BEAN1: variants seen among roughly 807,000 people sequenced by gnomAD.
BEAN1 encodes brain expressed associated with NEDD4 1.
Under a neutral mutation model 17.7 loss-of-function variants are expected in BEAN1, and 17 were observed. That is an observed-to-expected ratio of 0.96 (90% CI 0.66 to 1.44). The LOEUF is 1.44. Among genes scored for constraint, BEAN1 ranks in the 40% most tolerant of loss-of-function variants. The pLI, the probability that BEAN1 is intolerant of heterozygous loss-of-function variation, is 0.00. For missense variants in BEAN1, 359 were observed against 374.1 expected (o/e 0.96, Z 0.33); for synonymous variants, 142 against 151.8 (o/e 0.94, Z 0.47).
At chr16:66,467,612 A>C (rs1477270245) in intron 2 of BEAN1, among the ~76,000 whole-genome samples, 1 of 152,178 alleles carries the variant, frequency 6.6e-6, no homozygotes, top group African/African-American at 2.4e-5. Context: ...CACAGAGCCA[A>C]ACTATATCAG....
chr16:66,494,023 C>T (rs1964214244), downstream of BEAN1, among the ~76,000 whole-genome samples: 1 of 152,168 alleles, frequency 6.6e-6, no homozygotes, highest in Non-Finnish European at 1.5e-5. Context: ...TGGATGAGAG[C>T]ACCCCAGCAC....
At position 66,469,627 on chromosome 16, in the gene BEAN1, C is replaced by T; in HGVS notation, c.51C>T (p.Tyr17=). 3 of 1,536,142 alleles carry T rather than the reference C, an allele frequency of 2.0e-6. No individual in the cohort carries two copies. The highest frequency in any genetic ancestry group is 2.6e-6 in the Non-Finnish European group (3 of 1,146,896). The part of the protein sequence containing the change: ...CPLARYNRTS[Y]FYPTFSESSE... ...TAGCACGATACAACCGCACCAGCTACTTCTACCCCACATTCTCAGAGAGCT... is the reference window on the plus strand; with the variant it reads ...TAGCACGATACAACCGCACCAGCTATTTCTACCCCACATTCTCAGAGAGCT... Residue 17 remains tyrosine, a synonymous_variant, in exon 3 of 5, where the codon TAC becomes TAT. Transcript: ENST00000536005.
intron 1 of BEAN1, among the ~76,000 whole-genome samples, chr16:66,429,328 A>C (rs1189267050): frequency 6.6e-6 from 1 of 152,196 alleles, no homozygotes; most frequent in African/African-American, 2.4e-5. Context: ...GAGAGGTTCA[A>C]ACTTCAGAGC....
In BEAN1 at chr16:66,477,872, T is replaced by A. The variant is rs1205053030; in HGVS notation, c.440+162T>A. The A allele has an allele frequency of 4.1e-6, 3 of 733,368 alleles. No individual in the cohort carries two copies. In the African/African-American group the frequency reaches 5.6e-5, roughly 14 times the overall value. The allele number at this position is 733,368 out of a possible 1,614,324, so 45.4% of individuals were successfully genotyped here. ...CACCTCCTCCCCACTCCTGACCAAGTAGGTCCCACTGAGGCAGTGTGACTT... is the reference window on the plus strand; with the variant it reads ...CACCTCCTCCCCACTCCTGACCAAGAAGGTCCCACTGAGGCAGTGTGACTT... On this transcript the variant is annotated intron_variant, in intron 4 of 4. Transcript: ENST00000536005.
downstream of BEAN1, chr16:66,484,829 G>T (rs1422236276): frequency 1.5e-5 from 7 of 454,000 alleles, no homozygotes; most frequent in South Asian, 1.1e-4. The surrounding 1 kb of genome is among the most constrained non-coding windows in gnomAD (Gnocchi z 4.2). Flanking sequence ...GGGAGAGACG[G>T]GTTGTTTGTA....
chr16:66,433,387 C>T (rs567522608), intron 1 of BEAN1, among the ~76,000 whole-genome samples: 2 of 152,338 alleles, frequency 1.3e-5, no homozygotes, highest in South Asian at 4.1e-4. Context: ...GCTGGGATTA[C>T]AGGCGTGAGC....
rs1364576510 is a variant in BEAN1 at position 66,473,710 on chromosome 16, AAATAAATAAAT to A, written c.290-3840_290-3830del. Among the ~76,000 whole-genome samples the A allele has an allele frequency of 8.6e-5, 13 of 151,700 alleles. No individual in the cohort carries two copies. Among genetic ancestry groups the A allele is most frequent in the African/African-American group, 3.2e-4 (13 of 41,150 alleles). ...AGACCCTGTCTCTAAATAAATAAATAAATAAATAAATAATAAATAATAAATAAAGAGGGAGG... is the reference window on the plus strand; with the variant it reads ...AGACCCTGTCTCTAAATAAATAAATAAATAAATAATAAATAAAGAGGGAGG... On this transcript the variant is annotated intron_variant, in intron 3 of 4. Transcript: ENST00000536005. This position sits in a 1 kb window ranked among gnomAD's most constrained non-coding sequence, Gnocchi z 4.5.
intron 2 of BEAN1, among the ~76,000 whole-genome samples, chr16:66,440,804 A>G (rs1355859667): frequency 1.3e-5 from 2 of 152,082 alleles, no homozygotes; most frequent in African/African-American, 4.8e-5. Flanking sequence ...CTGAGTTTCA[A>G]CCTGACCCAA....
At chr16:66,476,841 C>A (rs1963767986) in intron 3 of BEAN1, among the ~76,000 whole-genome samples, 1 of 152,144 alleles carries the variant, frequency 6.6e-6, no homozygotes, top group South Asian at 2.1e-4. Context: ...TTTTTAGCTG[C>A]AGGACTTTTC....
chr16:66,493,606 G>A (rs536783790), downstream of BEAN1: 102 of 538,778 alleles, frequency 1.9e-4, no homozygotes, highest in African/African-American at 1.5e-3. Context: ...GCCCTTCATC[G>A]GGTGAGGTGG....
intron 2 of BEAN1, among the ~76,000 whole-genome samples, chr16:66,453,388 A>G (rs531803321): frequency 3.6e-4 from 55 of 152,124 alleles, no homozygotes; most frequent in African/African-American, 1.2e-3. Flanking sequence ...TTTTCTGAAG[A>G]CAAAGGCTTC....
rs766598195 is a variant in BEAN1, at chr16:66,477,520, TC to T, written c.290-38del. On this transcript the variant is annotated intron_variant, in intron 3 of 4. Transcript: ENST00000536005. Reference sequence around the variant, plus strand: ...CAGACCCATAAGGACCATCCCTGGATCCTGGTCTGAGGCCCAGGCCGGTGGT... The same window carrying T: ...CAGACCCATAAGGACCATCCCTGGATCTGGTCTGAGGCCCAGGCCGGTGGT... 1.8e-4 allele frequency: 272 copies of T among 1,492,420 alleles called. 4 individuals are homozygous for T. In the South Asian group the frequency reaches 2.3e-3, roughly 12 times the overall value. The allele number at this position is 1,492,420 out of a possible 1,614,324, so 92.4% of individuals were successfully genotyped here. A position where few individuals can be genotyped will look rare whatever the true frequency, so the allele number is the denominator to read the frequency against.
At position 66,430,845 on chromosome 16, in the gene BEAN1, A is replaced by G. The variant is rs117334934; in HGVS notation, c.-83+3414A>G. ...TTTGTTCACTATATCCTCAGAGCCT[A>G]GACTAGTACCCAGCACTTATTGTGC... On this transcript the variant is annotated intron_variant, in intron 1 of 4. Coordinates refer to ENST00000536005, the MANE Select transcript of BEAN1 (RefSeq NM_001178020.3). Among the ~76,000 whole-genome samples, 1,073 of 152,354 alleles carry G rather than the reference A, an allele frequency of 7.0e-3. 10 individuals are homozygous for G. The highest frequency in any genetic ancestry group is 0.013 in the Non-Finnish European group (877 of 68,028).
At chr16:66,458,239 C>A (rs1353011332) in intron 2 of BEAN1, among the ~76,000 whole-genome samples, 2 of 152,166 alleles carry the variant, frequency 1.3e-5, no homozygotes, top group African/African-American at 4.8e-5. Context: ...AAGAGCACTT[C>A]CCTGAACCCA....
At chr16:66,453,748 CAG>C (rs1962765876) in intron 2 of BEAN1, among the ~76,000 whole-genome samples, 1 of 148,046 alleles carries the variant, frequency 6.8e-6, no homozygotes, top group African/African-American at 2.5e-5. Flanking sequence ...TTTTTTGGGT[CAG>C]GGGGACAGAG....
chr16:66,429,742 G>A (rs941601222), intron 1 of BEAN1, among the ~76,000 whole-genome samples: 6 of 152,114 alleles, frequency 3.9e-5, no homozygotes, highest in Admixed American at 2.0e-4. Flanking sequence ...TAGGGGTCAC[G>A]TCGCTGTGTC....
In BEAN1 at chr16:66,469,644, C is replaced by T; in HGVS notation, c.68C>T (p.Ser23Leu). ...ACCAGCTACTTCTACCCCACATTCTCAGAGAGCTCGGAGCACAGCCATCTG... is the reference window on the plus strand; with the variant it reads ...ACCAGCTACTTCTACCCCACATTCTTAGAGAGCTCGGAGCACAGCCATCTG... ...NRTSYFYPTFSESSEHSHLLV... is the reference protein window; with the variant it reads ...NRTSYFYPTFLESSEHSHLLV... The change falls in exon 3 of 5, where the codon TCA (serine) becomes TTA (leucine). Residue 23 changes from serine (S) to leucine (L), a missense_variant. Transcript: ENST00000536005. The T allele has an allele frequency of 6.5e-7, 1 of 1,536,124 alleles. No individual in the cohort carries two copies. The highest frequency in any genetic ancestry group is 8.7e-7 in the Non-Finnish European group (1 of 1,146,872).
At position 66,437,653 on chromosome 16, in the gene BEAN1, C is replaced by T. The variant is rs1444089799; in HGVS notation, c.-24C>T. The T allele has an allele frequency of 1.3e-6, 2 of 1,535,672 alleles. No individual in the cohort carries two copies. Among genetic ancestry groups the T allele is most frequent in the South Asian group, 1.2e-5 (1 of 84,046 alleles). On this transcript the variant is annotated 5_prime_UTR_variant, in exon 2 of 5. Transcript: ENST00000536005. ...AGCTGTGCCCGTGGGCAGGCTGGCT[C>T]CGCTGTTCTGCTCCAAGGATTACAT... is the stretch of plus-strand genomic sequence containing the variant.
chr16:66,483,098 CG>C (rs1350278013), downstream of BEAN1: 22 of 334,890 alleles, frequency 6.6e-5, no homozygotes, highest in Non-Finnish European at 1.2e-5. Flanking sequence ...TGGTCTCAAG[CG>C]ATCCTCTCAC....
Sources: gnomAD v4.1 joint callset for allele counts (sites outside exome capture counted in the v4.1 genomes callset) on GRCh38, gnomAD v4.1.1 for gene constraint, Gnocchi (gnomAD v3.1) non-coding constraint, MANE v1.5 for transcripts, NCBI Gene and HGNC (gene_info 2026-07-23, HGNC 2026-07-21) for gene names.